CHMP1B: variants seen among roughly 807,000 people sequenced by gnomAD.
CHMP1B encodes VPS46 homolog B.
CHMP1B carries 5 observed loss-of-function variants against 11.5 expected under a neutral mutation model. The ratio of observed to expected loss-of-function variants is 0.43; its 90% CI spans 0.23 to 0.91. CHMP1B has a LOEUF of 0.91. Among genes scored for constraint, CHMP1B ranks in the 40% least tolerant of loss-of-function variants. CHMP1B has a pLI of 0.25. For synonymous variants in CHMP1B, 105 were observed against 105.7 expected, an observed-to-expected ratio of 0.99 and a Z score of 0.04; for missense variants, 246 against 261.2, an observed-to-expected ratio of 0.94 and a Z score of 0.40.
chr18:11,853,249 A>T lies in CHMP1B; in HGVS notation c.*1138A>T, dbSNP rs1462363848. ...TTATGTATACATCCAGCCAGCTGGA[A>T]ATCTGAGAAGTAAAGAGGTAGGACT... On this transcript the variant is annotated 3_prime_UTR_variant, in exon 1 of 1. Coordinates refer to ENST00000526991, the MANE Select transcript of CHMP1B (RefSeq NM_020412.5). 3 of 167,130 alleles carry T rather than the reference A, an allele frequency of 1.8e-5. No individual in the cohort carries two copies. In the East Asian group the frequency reaches 5.8e-4, roughly 32 times the overall value. 10.4% of individuals were successfully genotyped at this position (167,130 alleles called of 1,614,324 possible).
chr18:11,852,420 C>G lies in CHMP1B; in HGVS notation c.*309C>G. 3.1e-6 allele frequency: 1 copy of G among 321,862 alleles called. No homozygotes were observed. Among genetic ancestry groups the G allele is most frequent in the Non-Finnish European group, 6.1e-6 (1 of 163,958 alleles). 19.9% of individuals were successfully genotyped at this position (321,862 alleles called of 1,614,324 possible). A position where few individuals can be genotyped will look rare whatever the true frequency, so the allele number is the denominator to read the frequency against. On this transcript the variant is annotated 3_prime_UTR_variant, in exon 1 of 1. Coordinates refer to ENST00000526991, the MANE Select transcript of CHMP1B (RefSeq NM_020412.5). ...GTCAAAACTGTATTCAGTTTCCTGC[C>G]CAGAATGATCAGATTGAAGGTGGTT...
Position 11,854,124 on chromosome 18 carries a change from C to T in CHMP1B, c.*2013C>T, listed in dbSNP as rs895923119. 1 of 167,036 alleles carries T rather than the reference C, an allele frequency of 6.0e-6. No homozygotes were observed. Among genetic ancestry groups the T allele is most frequent in the Non-Finnish European group, 1.5e-5 (1 of 68,114 alleles). 10.3% of individuals were successfully genotyped at this position (167,036 alleles called of 1,614,324 possible). ...ACAGGCATGAGCCACTGCACCTGGC[C>T]TTAACCCCTCTTTAGATTGGAAAAA... On this transcript the variant is annotated 3_prime_UTR_variant, in exon 1 of 1. Transcript: ENST00000526991.
At position 11,852,521 on chromosome 18, in the gene CHMP1B, A is replaced by G. The variant is rs1437689390; in HGVS notation, c.*410A>G. 1.5e-5 allele frequency: 3 copies of G among 194,784 alleles called. No homozygotes were observed. Among genetic ancestry groups the G allele is most frequent in the African/African-American group, 4.8e-5 (2 of 41,938 alleles). The allele number at this position is 194,784 out of a possible 1,614,324, so 12.1% of individuals were successfully genotyped here. A position where few individuals can be genotyped will look rare whatever the true frequency, so the allele number is the denominator to read the frequency against. ...TGCATAAAAGTTAAAGAGAGGGGAA[A>G]GATTACTTAGTTTGGTTATACAGTT... On this transcript the variant is annotated 3_prime_UTR_variant, in exon 1 of 1. Transcript: ENST00000526991.
In CHMP1B at chr18:11,853,927, A is replaced by T. The variant is rs1000752397; in HGVS notation, c.*1816A>T. 6.0e-6 allele frequency: 1 copy of T among 166,628 alleles called. No homozygotes were observed. Among genetic ancestry groups the T allele is most frequent in the Non-Finnish European group, 1.5e-5 (1 of 68,250 alleles). The allele number at this position is 166,628 out of a possible 1,614,324, so 10.3% of individuals were successfully genotyped here. A position where few individuals can be genotyped will look rare whatever the true frequency, so the allele number is the denominator to read the frequency against. Reference sequence around the variant, plus strand: ...AACCTCCACCTCCCGGGTTCAAGTGATTCTCCTGCCTCAGCCTGCCGAGTA... The same window carrying T: ...AACCTCCACCTCCCGGGTTCAAGTGTTTCTCCTGCCTCAGCCTGCCGAGTA... On this transcript the variant is annotated 3_prime_UTR_variant, in exon 1 of 1. Coordinates refer to ENST00000526991, the MANE Select transcript of CHMP1B (RefSeq NM_020412.5).
Position 11,851,573 on chromosome 18 carries a change from G to A in CHMP1B, c.62G>A (p.Ser21Asn). ...TTCGCGGCCAAAGAACTGAGTAGGA[G>A]TGCCAAAAAATGCGATAAGGAGGAA... ...LKFAAKELSR[S>N]AKKCDKEEKA... The change falls in exon 1 of 1, where the codon AGT (serine) becomes AAT (asparagine). Residue 21 changes from serine to asparagine, a missense_variant. By Grantham distance (46) the Ser-to-Asn change is conservative. Transcript: ENST00000526991. The A allele has an allele frequency of 2.5e-6, 4 of 1,612,574 alleles. No homozygotes were observed. Among genetic ancestry groups the A allele is most frequent in the Non-Finnish European group, 2.5e-6 (3 of 1,179,282 alleles).
chr18:11,851,785 A>G lies in CHMP1B; in HGVS notation c.274A>G (p.Met92Val). The G allele has an allele frequency of 6.2e-7, 1 of 1,614,004 alleles. No homozygotes were observed. Among genetic ancestry groups the G allele is most frequent in the Non-Finnish European group, 8.5e-7 (1 of 1,179,898 alleles). The change falls in exon 1 of 1, where the codon ATG becomes GTG. Residue 92 changes from methionine (M) to valine (V), a missense_variant. Transcript: ENST00000526991. ...AVTMGKVTKS[M>V]AGVVKSMDAT... ...GACGATGGGCAAGGTGACCAAGTCG[A>G]TGGCTGGTGTGGTTAAGTCGATGGA...
Position 11,851,660 on chromosome 18 carries a change from T to G in CHMP1B, c.149T>G (p.Ile50Arg). 6.2e-7 allele frequency: 1 copy of G among 1,614,012 alleles called. No individual in the cohort carries two copies. The highest frequency in any genetic ancestry group is 8.5e-7 in the Non-Finnish European group (1 of 1,179,896). ...AAGGGCAACATGGAAGTTGCGAGGATACACGCCGAAAATGCCATCCGCCAG... is the reference window on the plus strand; with the variant it reads ...AAGGGCAACATGGAAGTTGCGAGGAGACACGCCGAAAATGCCATCCGCCAG... The part of the protein sequence containing the change: ...IQKGNMEVAR[I>R]HAENAIRQKN... The change falls in exon 1 of 1, where the codon ATA (isoleucine) becomes AGA (arginine). Residue 50 changes from isoleucine to arginine, a missense_variant. Physicochemically the swap from Ile to Arg is moderately conservative, Grantham distance 97 (BLOSUM62 -3). Coordinates refer to ENST00000526991, the MANE Select transcript of CHMP1B (RefSeq NM_020412.5).
Position 11,852,275 on chromosome 18 carries a change from T to C in CHMP1B, c.*164T>C, listed in dbSNP as rs988657855. The C allele has an allele frequency of 7.4e-6, 6 of 813,170 alleles. No homozygotes were observed. The highest frequency in any genetic ancestry group is 6.9e-5 in the African/African-American group (4 of 57,572). 50.4% of individuals were successfully genotyped at this position (813,170 alleles called of 1,614,324 possible). On this transcript the variant is annotated 3_prime_UTR_variant, in exon 1 of 1. Transcript: ENST00000526991. The stretch of plus-strand genomic sequence containing the variant: ...CCTCCACATAAATTAAGAAATTCAG[T>C]ATTTCTGCACTCTTAGCTGGATTCT...
chr18:11,851,436 G>C lies in CHMP1B; in HGVS notation c.-76G>C. On this transcript the variant is annotated 5_prime_UTR_variant, in exon 1 of 1. Transcript: ENST00000526991. ...ACCAAAACAAAGGAGCGGCGGCCGG[G>C]AGCGGACTTACCTTACCTTCTCTGC... 1 of 1,443,734 alleles carries C rather than the reference G, an allele frequency of 6.9e-7. No homozygotes were observed. The highest frequency in any genetic ancestry group is 2.5e-5 in the East Asian group (1 of 40,254). The allele number at this position is 1,443,734 out of a possible 1,614,324, so 89.4% of individuals were successfully genotyped here.
chr18:11,851,994 C>G lies in CHMP1B; in HGVS notation c.483C>G (p.Gly161=), dbSNP rs1475503567. 1.2e-5 allele frequency: 20 copies of G among 1,613,398 alleles called. No homozygotes were observed. The highest frequency in any genetic ancestry group is 1.7e-5 in the Non-Finnish European group (20 of 1,179,848). ...TCCAGGAAATGGCAGATGAGGCGGG[C>G]CTCGACCTCAACATGGAGCTGCCGC... ...MLLQEMADEA[G]LDLNMELPQG... Residue 161 remains glycine, a synonymous_variant, in exon 1 of 1, where the codon GGC becomes GGG. Coordinates refer to ENST00000526991, the MANE Select transcript of CHMP1B (RefSeq NM_020412.5).
chr18:11,851,652 T>C lies in CHMP1B; in HGVS notation c.141T>C (p.Val47=), dbSNP rs2035871963. The C allele has an allele frequency of 6.2e-7, 1 of 1,614,004 alleles. No individual in the cohort carries two copies. The highest frequency in any genetic ancestry group is 1.3e-5 in the African/African-American group (1 of 75,042). ...KKAIQKGNME[V]ARIHAENAIR... is the part of the protein sequence containing the mutation. Reference sequence around the variant, plus strand: ...CCATTCAGAAGGGCAACATGGAAGTTGCGAGGATACACGCCGAAAATGCCA... The same window carrying C: ...CCATTCAGAAGGGCAACATGGAAGTCGCGAGGATACACGCCGAAAATGCCA... The change falls in exon 1 of 1, where the codon GTT becomes GTC. Residue 47 remains valine, a synonymous_variant. Coordinates refer to ENST00000526991, the MANE Select transcript of CHMP1B (RefSeq NM_020412.5).
At position 11,852,737 on chromosome 18, in the gene CHMP1B, C is replaced by G. The variant is rs188714622; in HGVS notation, c.*626C>G. 1 of 166,392 alleles carries G rather than the reference C, an allele frequency of 6.0e-6. No individual in the cohort carries two copies. Among genetic ancestry groups the G allele is most frequent in the Admixed American group, 6.6e-5 (1 of 15,236 alleles). 10.3% of individuals were successfully genotyped at this position (166,392 alleles called of 1,614,324 possible). On this transcript the variant is annotated 3_prime_UTR_variant, in exon 1 of 1. Coordinates refer to ENST00000526991, the MANE Select transcript of CHMP1B (RefSeq NM_020412.5). ...TTAGGATATTTTTGCATAATACTCT[C>G]TTACTGCTTACATTCTATAAATTTT...
chr18:11,851,898 G>T lies in CHMP1B; in HGVS notation c.387G>T (p.Thr129=). ...AGTTTGAGACTCTGGACGTCCAGAC[G>T]CAGCAAATGGAAGACACGATGAGCA... ...EHQFETLDVQ[T]QQMEDTMSST... Residue 129 remains threonine, a synonymous_variant, in exon 1 of 1, where the codon ACG becomes ACT. Transcript: ENST00000526991. 6.2e-7 allele frequency: 1 copy of T among 1,613,856 alleles called. No individual in the cohort carries two copies. The highest frequency in any genetic ancestry group is 8.5e-7 in the Non-Finnish European group (1 of 1,179,860).
chr18:11,851,583 A>G lies in CHMP1B; in HGVS notation c.72A>G (p.Lys24=). ...AAKELSRSAK[K]CDKEEKAEKA... ...AAGAACTGAGTAGGAGTGCCAAAAA[A>G]TGCGATAAGGAGGAAAAGGCCGAAA... The change falls in exon 1 of 1, where the codon AAA becomes AAG. Residue 24 remains lysine, a synonymous_variant. Coordinates refer to ENST00000526991, the MANE Select transcript of CHMP1B (RefSeq NM_020412.5). 6.2e-7 allele frequency: 1 copy of G among 1,613,126 alleles called. No individual in the cohort carries two copies. Among genetic ancestry groups the G allele is most frequent in the Non-Finnish European group, 8.5e-7 (1 of 1,179,504 alleles).
In CHMP1B at chr18:11,851,869, C is replaced by T; in HGVS notation, c.358C>T (p.His120Tyr). ...KISALMDKFE[H>Y]QFETLDVQTQ... Reference sequence around the variant, plus strand: ...TTCTGCTTTGATGGACAAATTCGAGCACCAGTTTGAGACTCTGGACGTCCA... The same window carrying T: ...TTCTGCTTTGATGGACAAATTCGAGTACCAGTTTGAGACTCTGGACGTCCA... Residue 120 changes from histidine to tyrosine, a missense_variant, in exon 1 of 1, where the codon CAC (histidine) becomes TAC (tyrosine). Physicochemically the swap from His to Tyr is moderately conservative, Grantham distance 83 (BLOSUM62 2). Transcript: ENST00000526991. 1 of 1,613,988 alleles carries T rather than the reference C, an allele frequency of 6.2e-7. No homozygotes were observed.
In CHMP1B at chr18:11,851,644, A is replaced by T. The variant is rs577828370; in HGVS notation, c.133A>T (p.Met45Leu). ...TAAAAAGGCCATTCAGAAGGGCAACATGGAAGTTGCGAGGATACACGCCGA... is the reference window on the plus strand; with the variant it reads ...TAAAAAGGCCATTCAGAAGGGCAACTTGGAAGTTGCGAGGATACACGCCGA... The part of the protein sequence containing the change: ...KIKKAIQKGN[M>L]EVARIHAENA... The change falls in exon 1 of 1, where the codon ATG becomes TTG. Residue 45 changes from methionine (M) to leucine (L), a missense_variant. Physicochemically the swap from Met to Leu is conservative, Grantham distance 15 (BLOSUM62 2). Coordinates refer to ENST00000526991, the MANE Select transcript of CHMP1B (RefSeq NM_020412.5). 1 of 1,614,042 alleles carries T rather than the reference A, an allele frequency of 6.2e-7. No homozygotes were observed. The highest frequency in any genetic ancestry group is 1.1e-5 in the South Asian group (1 of 91,090).
Position 11,852,471 on chromosome 18 carries a change from T to C in CHMP1B, c.*360T>C. 1 of 234,122 alleles carries C rather than the reference T, an allele frequency of 4.3e-6. No homozygotes were observed. Among genetic ancestry groups the C allele is most frequent in the East Asian group, 1.0e-4 (1 of 9,772 alleles). The allele number at this position is 234,122 out of a possible 1,614,324, so 14.5% of individuals were successfully genotyped here. ...GGTTTTTATTATTATTTAGTGTGAT[T>C]GATAGTATCTAGAATGGCAGGTGGT... On this transcript the variant is annotated 3_prime_UTR_variant, in exon 1 of 1. Coordinates refer to ENST00000526991, the MANE Select transcript of CHMP1B (RefSeq NM_020412.5).
rs2035872510 is a variant in CHMP1B, at chr18:11,851,675, C to T, written c.164C>T (p.Ala55Val). ...GTTGCGAGGATACACGCCGAAAATG[C>T]CATCCGCCAGAAGAACCAGGCGGTG... The part of the protein sequence containing the change: ...MEVARIHAEN[A>V]IRQKNQAVNF... The change falls in exon 1 of 1, where the codon GCC (alanine) becomes GTC (valine). Residue 55 changes from alanine (A) to valine (V), a missense_variant. Ala to Val is a moderately conservative substitution (Grantham distance 64). Transcript: ENST00000526991. The T allele has an allele frequency of 6.2e-7, 1 of 1,614,020 alleles. No individual in the cohort carries two copies. The highest frequency in any genetic ancestry group is 1.7e-5 in the Admixed American group (1 of 60,026).
At position 11,852,263 on chromosome 18, in the gene CHMP1B, T is replaced by A; in HGVS notation, c.*152T>A. The A allele has an allele frequency of 2.2e-6, 2 of 908,314 alleles. No individual in the cohort carries two copies. The highest frequency in any genetic ancestry group is 1.8e-5 in the South Asian group (1 of 54,214). The allele number at this position is 908,314 out of a possible 1,614,324, so 56.3% of individuals were successfully genotyped here. A position where few individuals can be genotyped will look rare whatever the true frequency, so the allele number is the denominator to read the frequency against. ...GGTTTACAGCCCCCTCCACATAAAT[T>A]AAGAAATTCAGTATTTCTGCACTCT... On this transcript the variant is annotated 3_prime_UTR_variant, in exon 1 of 1. Transcript: ENST00000526991.
Sources: allele counts gnomAD v4.1 joint callset, GRCh38; gene constraint gnomAD v4.1.1; transcripts MANE v1.5; gene names NCBI Gene and HGNC (gene_info 2026-07-23, HGNC 2026-07-21).